Variants in CADM2 observed in about 807,000 individuals in gnomAD.
CADM2 encodes immunoglobulin superfamily member 4D.
CADM2 carries 12 observed loss-of-function variants against 49.8 expected under a neutral mutation model. The observed-to-expected ratio is 0.24, with a 90% CI of 0.15 to 0.39. CADM2 has a LOEUF of 0.39. CADM2 is among the 10% of genes least tolerant of loss of function. The probability of loss-of-function intolerance (pLI) is 1.00; values close to 1 mark genes in which losing one functional copy is unlikely to be tolerated. For synonymous variants in CADM2, 214 were observed against 175.4 expected (o/e 1.22, Z -1.74); for missense variants, 378 against 492.3 (o/e 0.77, Z 2.20).
intron 1 of CADM2, among the ~76,000 whole-genome samples, chr3:85,701,565 G>A (rs923355646): frequency 6.6e-6 from 1 of 151,980 alleles, no homozygotes; most frequent in Non-Finnish European, 1.5e-5. Flanking sequence ...GAGTGTCAAA[G>A]CCTTTGAGGA....
intron 1 of CADM2, among the ~76,000 whole-genome samples, chr3:85,634,355 T>C (rs898205010): frequency 2.0e-5 from 3 of 152,060 alleles, no homozygotes; most frequent in African/African-American, 7.2e-5. Context: ...CTGAAGTATC[T>C]ACTGAACTGA....
At chr3:85,852,331 A>G (rs1166307991) in intron 3 of CADM2, among the ~76,000 whole-genome samples, 1 of 152,096 alleles carries the variant, frequency 6.6e-6, no homozygotes, top group African/African-American at 2.4e-5. Flanking sequence ...AGAGACTTTA[A>G]TGAGATGTGT....
chr3:85,337,044 A>ATATAAATAT (rs2045108512), intron 1 of CADM2, among the ~76,000 whole-genome samples: 4 of 135,480 alleles, frequency 3.0e-5, no homozygotes, highest in African/African-American at 8.1e-5. Flanking sequence ...TATATATATA[A>ATATAAATAT]ATATATATAT....
intron 1 of CADM2, among the ~76,000 whole-genome samples, chr3:85,655,865 A>C (rs999477419): frequency 6.6e-6 from 1 of 152,144 alleles, no homozygotes; most frequent in Non-Finnish European, 1.5e-5. Flanking sequence ...ACAATTTCTC[A>C]TTTAAATGCT....
intron 1 of CADM2, among the ~76,000 whole-genome samples, chr3:85,026,543 A>G (rs1216160766): frequency 6.6e-6 from 1 of 152,172 alleles, no homozygotes; most frequent in Non-Finnish European, 1.5e-5. Context: ...TATTTTGTCC[A>G]AATTGTAGTA....
chr3:86,022,381 A>C (rs913494960), intron 8 of CADM2, among the ~76,000 whole-genome samples: 1 of 152,108 alleles, frequency 6.6e-6, no homozygotes, highest in African/African-American at 2.4e-5. Flanking sequence ...TAGCCTTTGT[A>C]ATAGTTTAAT....
At chr3:85,214,186 C>T (rs1399086251) in intron 1 of CADM2, among the ~76,000 whole-genome samples, 1 of 151,822 alleles carries the variant, frequency 6.6e-6, no homozygotes, top group African/African-American at 2.4e-5. Flanking sequence ...CTCTTGCAGA[C>T]CTGTATTTGT....
chr3:85,903,407 T>G (rs937002203), intron 5 of CADM2, among the ~76,000 whole-genome samples: 1 of 152,124 alleles, frequency 6.6e-6, no homozygotes, highest in East Asian at 1.9e-4. Flanking sequence ...TCTTAGATTT[T>G]GTTTACCTGA....
At chr3:85,288,388 T>C (rs2043688919) in intron 1 of CADM2, among the ~76,000 whole-genome samples, 1 of 152,170 alleles carries the variant, frequency 6.6e-6, no homozygotes. Flanking sequence ...ATGGATGATT[T>C]GAAATAGGTG....
At chr3:85,611,211 A>G (rs1353765024) in intron 1 of CADM2, among the ~76,000 whole-genome samples, 1 of 151,460 alleles carries the variant, frequency 6.6e-6, no homozygotes, top group East Asian at 2.0e-4. Context: ...TTAGTTAAAT[A>G]TTAAAGTGTT....
intron 2 of CADM2, among the ~76,000 whole-genome samples, chr3:85,787,046 C>T (rs1314007077): frequency 6.6e-6 from 1 of 151,724 alleles, no homozygotes; most frequent in Admixed American, 6.6e-5. Context: ...ATATTTACAC[C>T]CATAGGTGGA....
At chr3:85,730,144 T>C (rs1419412644) in intron 2 of CADM2, among the ~76,000 whole-genome samples, 1 of 152,140 alleles carries the variant, frequency 6.6e-6, no homozygotes, top group Non-Finnish European at 1.5e-5. Context: ...CCTTATTCTT[T>C]GAATCTCTCA....
chr3:85,883,747 A>T (rs757855052), intron 4 of CADM2, among the ~76,000 whole-genome samples: 10 of 152,166 alleles, frequency 6.6e-5, no homozygotes, highest in Non-Finnish European at 1.2e-4. Context: ...TTATCAAATA[A>T]TCTATATGTT....
intron 1 of CADM2, among the ~76,000 whole-genome samples, chr3:85,315,978 C>T (rs1424614819): frequency 6.6e-6 from 1 of 152,084 alleles, no homozygotes; most frequent in Non-Finnish European, 1.5e-5. Flanking sequence ...GAAGTAGTCA[C>T]ACATCTCACA....
intron 3 of CADM2, among the ~76,000 whole-genome samples, chr3:85,839,161 C>G (rs2074531393): frequency 6.6e-6 from 1 of 151,796 alleles, no homozygotes; most frequent in Non-Finnish European, 1.5e-5. Context: ...ATTAACATTG[C>G]TGTTCACCTG....
At chr3:85,174,997 C>T (rs1447255256) in intron 1 of CADM2, among the ~76,000 whole-genome samples, 2 of 151,976 alleles carry the variant, frequency 1.3e-5, no homozygotes, top group East Asian at 3.9e-4. Context: ...AGAAGATATA[C>T]AAATGGACAA....
intron 2 of CADM2, among the ~76,000 whole-genome samples, chr3:85,793,125 T>A (rs1309164079): frequency 1.3e-5 from 2 of 152,198 alleles, no homozygotes; most frequent in Non-Finnish European, 2.9e-5. Flanking sequence ...ATATGACAGA[T>A]GGCAACATTG....
chr3:85,986,774 A>G (rs932511372), intron 8 of CADM2, among the ~76,000 whole-genome samples: 1 of 152,128 alleles, frequency 6.6e-6, no homozygotes, highest in South Asian at 2.1e-4. Flanking sequence ...AACAAGCACC[A>G]TATATGTTCT....
chr3:85,917,335 A>G (rs1160055962), intron 6 of CADM2, among the ~76,000 whole-genome samples: 4 of 152,074 alleles, frequency 2.6e-5, no homozygotes, highest in Non-Finnish European at 4.4e-5. Context: ...ATCTTGAATT[A>G]ATTTTTGTAT....
Sources: gnomAD v4.1 joint callset for allele counts (sites outside exome capture counted in the v4.1 genomes callset) on GRCh38, gnomAD v4.1.1 for gene constraint, MANE v1.5 for transcripts, NCBI Gene and HGNC (gene_info 2026-07-23, HGNC 2026-07-21) for gene names.